The following AMY2B variants were observed in gnomAD, a reference collection of about 807,000 sequenced individuals.
The protein encoded by AMY2B is alpha-amylase 2B.
A neutral mutation model predicts 59.3 loss-of-function variants in AMY2B; 63 were observed. The observed-to-expected ratio is 1.06, with a 90% CI of 0.87 to 1.31. The LOEUF is 1.31. Among genes scored for constraint, AMY2B ranks in the 50% most tolerant of loss-of-function variants. AMY2B has a pLI of 0.00. For synonymous variants in AMY2B, 180 were observed against 198.1 expected (o/e 0.91, Z 0.77); for missense variants, 635 against 626.7 (o/e 1.01, Z -0.14).
chr1:103,562,348 C>T (rs1651759506), intron 1 of AMY2B, among the ~76,000 whole-genome samples: 1 of 152,150 alleles, frequency 6.6e-6, no homozygotes, highest in Non-Finnish European at 1.5e-5. Flanking sequence ...GCTTTCTTTT[C>T]TCTAACCTTT....
chr1:103,576,466 AACTTTTCC>A (rs1429505051), intron 7 of AMY2B, among the ~76,000 whole-genome samples: 1 of 152,128 alleles, frequency 6.6e-6, no homozygotes, highest in Non-Finnish European at 1.5e-5. Context: ...CTATCACTAT[AACTTTTCC>A]ACTTTCCAGG....
chr1:103,558,767 A>G (rs1261591190), intron 1 of AMY2B, among the ~76,000 whole-genome samples: 3 of 151,640 alleles, frequency 2.0e-5, no homozygotes, highest in Non-Finnish European at 2.9e-5. Flanking sequence ...CAACTGAAAA[A>G]AAAAAAAAAA....
At position 103,579,415 on chromosome 1, in the gene AMY2B, T is replaced by G. The variant is rs774274226; in HGVS notation, c.1451T>G (p.Val484Gly). The change falls in exon 10 of 10, where the codon GTT (valine) becomes GGT (glycine). Residue 484 changes from valine to glycine, a missense_variant. Val to Gly is a moderately radical substitution (Grantham distance 109). Transcript: ENST00000684275. ...NGNCTGIKIY[V>G]SDDGKAHFSI... ...AATTGCACAGGCATTAAAATCTACG[T>G]TTCTGACGATGGCAAAGCTCATTTT... 1 of 1,611,812 alleles carries G rather than the reference T, an allele frequency of 6.2e-7. No homozygotes were observed. The highest frequency in any genetic ancestry group is 1.1e-5 in the South Asian group (1 of 90,988).
At chr1:103,578,415 A>T (rs1652447246) in intron 9 of AMY2B, among the ~76,000 whole-genome samples, 1 of 152,132 alleles carries the variant, frequency 6.6e-6, no homozygotes, top group African/African-American at 2.4e-5. Flanking sequence ...GAAACTTCTC[A>T]TTATTGGCCT....
At chr1:103,556,455 T>C (rs1010270934) in intron 1 of AMY2B, among the ~76,000 whole-genome samples, 4 of 152,148 alleles carry the variant, frequency 2.6e-5, no homozygotes, top group African/African-American at 9.7e-5. Context: ...CAATTGTAGA[T>C]TGCAGTGTGG....
chr1:103,557,006 T>A (rs566695072), intron 1 of AMY2B, among the ~76,000 whole-genome samples: 1 of 152,052 alleles, frequency 6.6e-6, no homozygotes, highest in Middle Eastern at 3.4e-3. Flanking sequence ...ACCTAAGAGA[T>A]ACAACTGATG....
At chr1:103,573,678 G>C in intron 3 of AMY2B, 30 bp from the exon 4 acceptor site, 1 of 1,612,580 alleles carries the variant, frequency 6.2e-7, no homozygotes, top group Non-Finnish European at 8.5e-7. Flanking sequence ...GAGGTTTTAT[G>C]AATCAATCAT....
Position 103,555,681 on chromosome 1 carries a change from T to A in AMY2B, c.-207+572T>A, listed in dbSNP as rs573259174. Among the ~76,000 whole-genome samples the A allele has an allele frequency of 2.0e-5, 3 of 152,180 alleles. No individual in the cohort carries two copies. The South Asian group carries it at 6.2e-4, about 32-fold the overall frequency. On this transcript the variant is annotated intron_variant, in intron 1 of 11. Coordinates refer to the AMY2B transcript ENST00000361355. The stretch of plus-strand genomic sequence containing the variant: ...GTCAACTTGACGTTGACAAACTTGG[T>A]GGATGTCAGGAGTAAGGGTATTCAA...
upstream of AMY2B, among the ~76,000 whole-genome samples, chr1:103,568,082 T>A (rs1197385620): frequency 6.6e-6 from 1 of 152,246 alleles, no homozygotes; most frequent in Non-Finnish European, 1.5e-5. Context: ...ATTTTTATCA[T>A]CACTGTTAGT....
intron 1 of AMY2B, among the ~76,000 whole-genome samples, chr1:103,560,959 A>G (rs1209331997): frequency 6.6e-6 from 1 of 152,200 alleles, no homozygotes; most frequent in Admixed American, 6.5e-5. Flanking sequence ...CAATTTGACC[A>G]TTAATAAATC....
upstream of AMY2B, chr1:103,570,279 T>C (rs1337370644): frequency 1.4e-5 from 8 of 568,320 alleles, no homozygotes; most frequent in Admixed American, 1.5e-4. Flanking sequence ...ATGAGCTGCC[T>C]GATGGCCATG....
chr1:103,578,609 T>G (rs1173493994), intron 9 of AMY2B, among the ~76,000 whole-genome samples: 1 of 152,130 alleles, frequency 6.6e-6, no homozygotes, highest in Non-Finnish European at 1.5e-5. Context: ...AATACATAAA[T>G]CTAGTTGATC....
At chr1:103,574,132 A>T in intron 4 of AMY2B, 128 bp from the exon 5 acceptor site, 1 of 1,484,636 alleles carries the variant, frequency 6.7e-7, no homozygotes, top group South Asian at 1.3e-5. Context: ...AAAAAGAAAT[A>T]ATAAATAGCT....
chr1:103,571,102 G>A (rs574020520), upstream of AMY2B: 989 of 943,554 alleles, frequency 1.0e-3, 3 homozygotes, highest in Admixed American at 3.4e-3. Flanking sequence ...CTGTCCTGTC[G>A]GTCTGTCAGG....
rs183135128 is a variant in AMY2B, at chr1:103,575,835, C to T, written c.1101+295C>T. 4.0e-4 allele frequency: 118 copies of T among 296,304 alleles called. 1 individual carries two copies. The highest frequency in any genetic ancestry group is 2.0e-3 in the Middle Eastern group (2 of 998). 18.4% of individuals were successfully genotyped at this position (296,304 alleles called of 1,614,324 possible). The stretch of plus-strand genomic sequence containing the variant: ...GGCACAGGGATTAAAATATATACTT[C>T]GAATAAGTACCTACCTCAGGGTTAA... On this transcript the variant is annotated intron_variant, in intron 7 of 9. Transcript: ENST00000684275.
At chr1:103,567,100 G>A (rs9435607), upstream of AMY2B, among the ~76,000 whole-genome samples, 150,087 of 152,246 alleles carry the variant, frequency 0.99, 73,991 homozygotes, top group East Asian at 1. Context: ...TATAAATTAA[G>A]AAGCTTTCAT....
chr1:103,575,531 A>G lies in AMY2B; in HGVS notation c.1092A>G (p.Gln364=), dbSNP rs1486937049. The change falls in exon 7 of 10, where the codon CAA becomes CAG. Residue 364 remains glutamine (Q), a synonymous_variant. Transcript: ENST00000684275. The part of the protein sequence containing the change: ...MSSYRWPRQF[Q]NGNDVNDWVG... ...GCTACCGTTGGCCAAGACAGTTTCA[A>G]AATGGAAACGTAAGTTTTGAAATTG... 9.3e-6 allele frequency: 15 copies of G among 1,613,594 alleles called. No individual in the cohort carries two copies. The highest frequency in any genetic ancestry group is 1.3e-5 in the Non-Finnish European group (15 of 1,179,790).
At position 103,572,152 on chromosome 1, in the gene AMY2B, A is replaced by G. The variant is rs1034656879; in HGVS notation, c.211A>G (p.Arg71Gly). The G allele has an allele frequency of 6.2e-7, 1 of 1,611,622 alleles. No homozygotes were observed. The highest frequency in any genetic ancestry group is 8.5e-7 in the Non-Finnish European group (1 of 1,179,714). ...AAATGTTGCAATTCACAACCCTTTC[A>G]GACCTTGGTGGGAAAGATACCAACC... Reference protein sequence around the residue: ...NENVAIHNPFRPWWERYQPVS... With the variant: ...NENVAIHNPFGPWWERYQPVS... The change falls in exon 2 of 10, where the codon AGA (arginine) becomes GGA (glycine). Residue 71 changes from arginine to glycine, a missense_variant. By Grantham distance (125) the Arg-to-Gly change is moderately radical. Coordinates refer to ENST00000684275, the MANE Select transcript of AMY2B (RefSeq NM_001387437.1).
chr1:103,559,113 G>A (rs1023951977), intron 1 of AMY2B, among the ~76,000 whole-genome samples: 8 of 152,120 alleles, frequency 5.3e-5, no homozygotes, highest in South Asian at 2.1e-4. Context: ...ATGGAGGGAC[G>A]AGGAACCACT....
Sources: allele counts gnomAD v4.1 joint callset (sites outside exome capture counted in the v4.1 genomes callset), GRCh38; gene constraint gnomAD v4.1.1; transcripts MANE v1.5; gene names NCBI Gene and HGNC (gene_info 2026-07-23, HGNC 2026-07-21).